The following PTPRQ variants were observed in gnomAD, a reference collection of about 807,000 sequenced individuals.
PTPRQ encodes phosphatidylinositol phosphatase PTPRQ.
In PTPRQ, 199 loss-of-function variants were observed where a neutral mutation model predicts 246.0. The ratio of observed to expected loss-of-function variants is 0.81; its 90% CI spans 0.72 to 0.91. The LOEUF (loss-of-function observed/expected upper bound fraction) is 0.91. PTPRQ is among the 40% of genes least tolerant of loss of function. PTPRQ has a pLI of 0.00. For missense variants in PTPRQ, 2,624 were observed against 2,528.4 expected (o/e 1.04, Z -0.81); for synonymous variants, 869 against 853.2 (o/e 1.02, Z -0.32).
chr12:80,618,230 T>C (rs899786197), intron 30 of PTPRQ, among the ~76,000 whole-genome samples: 1 of 151,444 alleles, frequency 6.6e-6, no homozygotes, highest in African/African-American at 2.4e-5. Flanking sequence ...ATAAGCTCTT[T>C]TCCCTATCTA....
chr12:80,651,478 G>T (rs1900255952), intron 37 of PTPRQ, among the ~76,000 whole-genome samples: 1 of 152,090 alleles, frequency 6.6e-6, no homozygotes, highest in Middle Eastern at 3.4e-3. Context: ...GAAAAGGATA[G>T]GAATGCAAAA....
At chr12:80,466,345 T>G (rs1298271893) in intron 6 of PTPRQ, among the ~76,000 whole-genome samples, 3 of 152,084 alleles carry the variant, frequency 2.0e-5, no homozygotes, top group East Asian at 3.9e-4. Context: ...CAGTGCTCAA[T>G]GAAATAAAAG....
At chr12:80,667,840 A>G (rs1212220877) in intron 39 of PTPRQ, among the ~76,000 whole-genome samples, 1 of 151,934 alleles carries the variant, frequency 6.6e-6, no homozygotes, top group South Asian at 2.1e-4. Flanking sequence ...CTTTAACTAC[A>G]TATTTAGGTC....
intron 14 of PTPRQ, among the ~76,000 whole-genome samples, chr12:80,497,527 C>T (rs922191183): frequency 7.9e-5 from 12 of 151,934 alleles, no homozygotes; most frequent in African/African-American, 2.7e-4. Flanking sequence ...TAGTCCGTGG[C>T]GCTGGGATTG....
At chr12:80,568,204 A>C (rs1217901357) in intron 25 of PTPRQ, among the ~76,000 whole-genome samples, 1 of 152,326 alleles carries the variant, frequency 6.6e-6, no homozygotes, top group African/African-American at 2.4e-5. Context: ...ATGTATGTGA[A>C]AACAAAAAAT....
chr12:80,589,739 C>A (rs1473217482), intron 26 of PTPRQ, among the ~76,000 whole-genome samples: 3 of 152,170 alleles, frequency 2.0e-5, no homozygotes, highest in African/African-American at 7.2e-5. Context: ...AATTGTCCAA[C>A]CTTTTCTCTT....
At chr12:80,635,633 G>A (rs145772367) in intron 35 of PTPRQ, among the ~76,000 whole-genome samples, 400 of 151,904 alleles carry the variant, frequency 2.6e-3, no homozygotes, top group African/African-American at 9.3e-3. Flanking sequence ...TACTAAATAT[G>A]TTTCATTGGT....
At chr12:80,506,792 G>A in intron 16 of PTPRQ, 122 bp downstream of exon 16, 4 of 679,488 alleles carry the variant, frequency 5.9e-6, no homozygotes, top group East Asian at 3.6e-5. Context: ...CCATACCAGC[G>A]TTATACAGAG....
At chr12:80,642,261 C>G (rs1393326321) in intron 35 of PTPRQ, among the ~76,000 whole-genome samples, 1 of 152,126 alleles carries the variant, frequency 6.6e-6, no homozygotes, top group East Asian at 1.9e-4. Context: ...GGCAGTAAGG[C>G]CTTATTTTTA....
chr12:80,593,813 A>G (rs1897880312), intron 26 of PTPRQ: 1 of 152,142 alleles, frequency 6.6e-6, no homozygotes, highest in South Asian at 2.1e-4. Context: ...GGTGCACAAT[A>G]GATACTTATG....
At chr12:80,488,507 A>T (rs555145482) in intron 9 of PTPRQ, among the ~76,000 whole-genome samples, 3 of 152,238 alleles carry the variant, frequency 2.0e-5, no homozygotes, top group African/African-American at 7.2e-5. Flanking sequence ...ATAGATTCTA[A>T]AAATGAGTGT....
intron 17 of PTPRQ, among the ~76,000 whole-genome samples, chr12:80,522,380 C>A (rs185791755): frequency 6.6e-6 from 1 of 152,088 alleles, no homozygotes; most frequent in Non-Finnish European, 1.5e-5. Context: ...ATCGACCTGG[C>A]CAGAACTTCC....
intron 26 of PTPRQ, among the ~76,000 whole-genome samples, chr12:80,589,328 C>T (rs1298088791): frequency 6.6e-6 from 1 of 152,160 alleles, no homozygotes; most frequent in African/African-American, 2.4e-5. Context: ...TCTGCCCCAG[C>T]CCTCCAGAGC....
chr12:80,672,184 T>C (rs976531751), intron 42 of PTPRQ, among the ~76,000 whole-genome samples: 1 of 151,938 alleles, frequency 6.6e-6, no homozygotes, highest in African/African-American at 2.4e-5. Flanking sequence ...TATTTATGTG[T>C]CGTTTTCCTC....
chr12:80,645,759 G>A (rs956461864), intron 35 of PTPRQ, among the ~76,000 whole-genome samples: 2 of 151,974 alleles, frequency 1.3e-5, no homozygotes, highest in African/African-American at 4.8e-5. Context: ...TAAAGAATAA[G>A]TAAAATTTCC....
At chr12:80,565,988 A>T (rs1160273229) in intron 25 of PTPRQ, among the ~76,000 whole-genome samples, 1 of 152,202 alleles carries the variant, frequency 6.6e-6, no homozygotes, top group African/African-American at 2.4e-5. Flanking sequence ...TAGTATATTA[A>T]TAAGTTATCA....
At chr12:80,635,346 T>C (rs765448873) in intron 35 of PTPRQ, among the ~76,000 whole-genome samples, 39 of 152,208 alleles carry the variant, frequency 2.6e-4, no homozygotes, top group Non-Finnish European at 4.9e-4. Context: ...ACATTAAACC[T>C]TTGACATTAT....
At chr12:80,553,518 A>G (rs890420597) in intron 25 of PTPRQ, among the ~76,000 whole-genome samples, 1 of 152,094 alleles carries the variant, frequency 6.6e-6, no homozygotes, top group Non-Finnish European at 1.5e-5. Flanking sequence ...CTGACTCCGT[A>G]CTTATTTTTG....
At chr12:80,454,662 G>A (rs761302796) in intron 3 of PTPRQ, 29 of 623,042 alleles carry the variant, frequency 4.7e-5, no homozygotes, top group Non-Finnish European at 7.7e-5. Context: ...CTTTGTTGAG[G>A]GTTTTTATCA....
Sources: allele counts gnomAD v4.1 joint callset (sites outside exome capture counted in the v4.1 genomes callset), GRCh38; gene constraint gnomAD v4.1.1; transcripts MANE v1.5; gene names NCBI Gene and HGNC (gene_info 2026-07-23, HGNC 2026-07-21).